ERVFRD-1: variants seen among roughly 807,000 people sequenced by gnomAD.
The protein encoded by ERVFRD-1 is endogenous retrovirus group FRD member 1, envelope, also known as syncytin-2.
A neutral mutation model predicts 43.8 loss-of-function variants in ERVFRD-1; 33 were observed. The observed-to-expected ratio is 0.75, with a 90% CI of 0.57 to 1.01. ERVFRD-1 has a LOEUF of 1.01. Ranked by LOEUF, ERVFRD-1 falls within the 50% of genes least tolerant of loss-of-function variation. The pLI is 0.00. For synonymous variants in ERVFRD-1, 239 were observed against 244.4 expected, an observed-to-expected ratio of 0.98 and a Z score of 0.21; for missense variants, 568 against 658.4, an observed-to-expected ratio of 0.86 and a Z score of 1.50.
chr6:11,106,147 A>G (rs1758079902), intron 1 of ERVFRD-1, among the ~76,000 whole-genome samples: 1 of 152,184 alleles, frequency 6.6e-6, no homozygotes, highest in African/African-American at 2.4e-5. Context: ...GTCATTCTGC[A>G]ATGACCTGGG....
In ERVFRD-1 at chr6:11,104,499, G is replaced by C; in HGVS notation, c.812C>G (p.Ala271Gly). The change falls in exon 2 of 2, where the codon GCA becomes GGA. Residue 271 changes from alanine to glycine, a missense_variant. Coordinates refer to ENST00000472091, the MANE Select transcript of ERVFRD-1 (RefSeq NM_207582.3). ...TIATSYLGIS[A>G]VSEFFGTSLT... ...GGAGGTTCCAAAAAATTCTGAGACT[G>C]CTGATATGCCCAGGTAGCTGGTGGC... is the stretch of plus-strand genomic sequence containing the variant. 6.4e-7 allele frequency: 1 copy of C among 1,557,058 alleles called. No homozygotes were observed. The highest frequency in any genetic ancestry group is 1.2e-5 in the South Asian group (1 of 85,004).
rs1437742671 is a variant in ERVFRD-1 at position 11,102,742 on chromosome 6, A to T, written c.*952T>A. 1 of 152,194 alleles carries T rather than the reference A, an allele frequency of 6.6e-6. No homozygotes were observed. Among genetic ancestry groups the T allele is most frequent in the Non-Finnish European group, 1.5e-5 (1 of 68,046 alleles). 9.4% of individuals were successfully genotyped at this position (152,194 alleles called of 1,614,324 possible). A position where few individuals can be genotyped will look rare whatever the true frequency, so the allele number is the denominator to read the frequency against. Reference sequence around the variant, plus strand: ...TTAGTTTGCTTGGTGCTGGAACCTAAATGGTGGAACTGTTACCAGCAGCAA... The same window carrying T: ...TTAGTTTGCTTGGTGCTGGAACCTATATGGTGGAACTGTTACCAGCAGCAA... On this transcript the variant is annotated 3_prime_UTR_variant, in exon 2 of 2. Coordinates refer to ENST00000472091, the MANE Select transcript of ERVFRD-1 (RefSeq NM_207582.3).
intron 1 of ERVFRD-1, among the ~76,000 whole-genome samples, chr6:11,106,329 C>A (rs964446637): frequency 2.0e-5 from 3 of 152,200 alleles, no homozygotes; most frequent in African/African-American, 7.2e-5. Context: ...GCCAGTCCTC[C>A]GCAGGGTATG....
chr6:11,103,715 A>G lies in ERVFRD-1; in HGVS notation c.1596T>C (p.Asn532=). 3.2e-6 allele frequency: 5 copies of G among 1,551,278 alleles called. No homozygotes were observed. The highest frequency in any genetic ancestry group is 4.4e-6 in the Non-Finnish European group (5 of 1,146,786). The change falls in exon 2 of 2, where the codon AAT becomes AAC. Residue 532 remains asparagine, a synonymous_variant. Transcript: ENST00000472091. ...TNLSAGRHPR[N]IQESPF ...CTCCTTAGAAGGGTGACTCTTGAAT[A>G]TTGCGAGGATGGCGTCCTGCACTGA...
At position 11,103,732 on chromosome 6, in the gene ERVFRD-1, C is replaced by T. The variant is rs1377833499; in HGVS notation, c.1579G>A (p.Gly527Arg). ...AIKLQTNLSA[G>R]RHPRNIQESP... ...TCTTGAATATTGCGAGGATGGCGTC[C>T]TGCACTGAGATTCGTCTGGAGCTTT... The change falls in exon 2 of 2, where the codon GGA becomes AGA. Residue 527 changes from glycine to arginine, a missense_variant. Gly to Arg is a moderately radical substitution (Grantham distance 125). Transcript: ENST00000472091. 6.4e-7 allele frequency: 1 copy of T among 1,551,626 alleles called. No individual in the cohort carries two copies. Among genetic ancestry groups the T allele is most frequent in the Non-Finnish European group, 8.7e-7 (1 of 1,146,976 alleles).
At position 11,103,623 on chromosome 6, in the gene ERVFRD-1, C is replaced by G. The variant is rs1758031775; in HGVS notation, c.*71G>C. 4.1e-6 allele frequency: 6 copies of G among 1,468,580 alleles called. No homozygotes were observed. Among genetic ancestry groups the G allele is most frequent in the African/African-American group, 1.4e-5 (1 of 70,268 alleles). The allele number at this position is 1,468,580 out of a possible 1,614,324, so 91.0% of individuals were successfully genotyped here. ...TGGATTGGCAAAAACCATATCCAGC[C>G]AGGTCCACGGGAGACGGGGCAGGAT... is the stretch of plus-strand genomic sequence containing the variant. On this transcript the variant is annotated 3_prime_UTR_variant, in exon 2 of 2. Coordinates refer to ENST00000472091, the MANE Select transcript of ERVFRD-1 (RefSeq NM_207582.3).
intron 1 of ERVFRD-1, among the ~76,000 whole-genome samples, chr6:11,110,118 T>G (rs1194300778): frequency 6.6e-6 from 1 of 152,200 alleles, no homozygotes; most frequent in Non-Finnish European, 1.5e-5. Context: ...CATCTCCCCT[T>G]GTTCTCTTAA....
intron 1 of ERVFRD-1, among the ~76,000 whole-genome samples, chr6:11,110,220 A>G (rs957626164): frequency 1.2e-4 from 18 of 152,112 alleles, no homozygotes; most frequent in African/African-American, 4.3e-4. Context: ...GGGTACCCCT[A>G]CCCTGATCCC....
At chr6:11,108,410 T>A (rs893714750) in intron 1 of ERVFRD-1, among the ~76,000 whole-genome samples, 6 of 152,164 alleles carry the variant, frequency 3.9e-5, no homozygotes, top group Admixed American at 6.5e-5. Context: ...GAGCTGAAGG[T>A]CATCCAGTTG....
intron 1 of ERVFRD-1, among the ~76,000 whole-genome samples, chr6:11,108,630 T>C (rs1758123641): frequency 6.6e-6 from 1 of 152,194 alleles, no homozygotes; most frequent in African/African-American, 2.4e-5. Flanking sequence ...TGCAGGGCAG[T>C]CAGTAGTTGG....
rs1758018246 is a variant in ERVFRD-1, at chr6:11,102,991, T to C, written c.*703A>G. 6.6e-6 allele frequency: 1 copy of C among 152,212 alleles called. No individual in the cohort carries two copies. Among genetic ancestry groups the C allele is most frequent in the African/African-American group, 2.4e-5 (1 of 41,426 alleles). 9.4% of individuals were successfully genotyped at this position (152,212 alleles called of 1,614,324 possible). ...GGCCCTTGACTTGGGGTTTTATACA[T>C]TGGCATTGTTCCGGGGTTTCCATTT... On this transcript the variant is annotated 3_prime_UTR_variant, in exon 2 of 2. Transcript: ENST00000472091.
At chr6:11,111,121 C>T (rs1220917828) in intron 1 of ERVFRD-1, among the ~76,000 whole-genome samples, 2 of 152,156 alleles carry the variant, frequency 1.3e-5, no homozygotes, top group East Asian at 1.9e-4. Flanking sequence ...AAGGGACATC[C>T]GTAAGGGAGT....
chr6:11,106,199 C>T (rs1415196464), intron 1 of ERVFRD-1, among the ~76,000 whole-genome samples: 1 of 152,202 alleles, frequency 6.6e-6, no homozygotes, highest in African/African-American at 2.4e-5. Flanking sequence ...AGGAATTTAG[C>T]TACCTCCTGT....
chr6:11,104,540 T>G lies in ERVFRD-1; in HGVS notation c.771A>C (p.Leu257Phe). Residue 257 changes from leucine (L) to phenylalanine (F), a missense_variant, in exon 2 of 2, where the codon TTA (leucine) becomes TTC (phenylalanine). Leu to Phe is a conservative substitution (Grantham distance 22, BLOSUM62 0). Coordinates refer to ENST00000472091, the MANE Select transcript of ERVFRD-1 (RefSeq NM_207582.3). ...NQSQTPCVQV[L>F]AGMTIATSYL... ...AGCTGGTGGCTATAGTCATGCCTGCTAAGACTTGGACGCAGGGTGTTTGGC... is the reference window on the plus strand; with the variant it reads ...AGCTGGTGGCTATAGTCATGCCTGCGAAGACTTGGACGCAGGGTGTTTGGC... The G allele has an allele frequency of 6.3e-7, 1 of 1,585,156 alleles. No homozygotes were observed. The highest frequency in any genetic ancestry group is 1.3e-5 in the African/African-American group (1 of 74,408).
At chr6:11,108,071 A>T (rs539975390) in intron 1 of ERVFRD-1, among the ~76,000 whole-genome samples, 1 of 152,296 alleles carries the variant, frequency 6.6e-6, no homozygotes, top group Non-Finnish European at 1.5e-5. Flanking sequence ...CCTGGAGGAA[A>T]GGTTAACTGA....
intron 1 of ERVFRD-1, among the ~76,000 whole-genome samples, chr6:11,108,240 T>A (rs1416183618): frequency 6.6e-6 from 1 of 152,172 alleles, no homozygotes; most frequent in Non-Finnish European, 1.5e-5. Flanking sequence ...GGAGGATAAT[T>A]GCCTGGGAAA....
intron 1 of ERVFRD-1, among the ~76,000 whole-genome samples, chr6:11,107,907 C>A (rs1339953663): frequency 2.0e-5 from 3 of 152,200 alleles, no homozygotes; most frequent in African/African-American, 7.2e-5. Flanking sequence ...TAGAAGGATT[C>A]TTGGGCTGAA....
chr6:11,106,086 C>A (rs891590036), intron 1 of ERVFRD-1, among the ~76,000 whole-genome samples: 1 of 152,138 alleles, frequency 6.6e-6, no homozygotes, highest in Non-Finnish European at 1.5e-5. Flanking sequence ...GCTTTATGTC[C>A]AGGGCACTAC....
At chr6:11,110,643 C>T (rs910766099) in intron 1 of ERVFRD-1, among the ~76,000 whole-genome samples, 1 of 152,104 alleles carries the variant, frequency 6.6e-6, no homozygotes, top group East Asian at 1.9e-4. Flanking sequence ...AAATGCTTAA[C>T]GAGGTAGAAC....
Sources: gnomAD v4.1 joint callset for allele counts (sites outside exome capture counted in the v4.1 genomes callset) on GRCh38, gnomAD v4.1.1 for gene constraint, MANE v1.5 for transcripts, NCBI Gene and HGNC (gene_info 2026-07-23, HGNC 2026-07-21) for gene names.